Variants in WDR12 observed in about 807,000 individuals in gnomAD.
The protein encoded by WDR12 is ribosome biogenesis protein WDR12.
In WDR12, 42 loss-of-function variants were observed where a neutral mutation model predicts 64.3. The ratio of observed to expected loss-of-function variants is 0.65; its 90% CI spans 0.51 to 0.84. The LOEUF (loss-of-function observed/expected upper bound fraction) is 0.84. WDR12 is among the 40% of genes least tolerant of loss of function. The pLI is 0.00. For missense variants in WDR12, 469 were observed against 494.6 expected, an observed-to-expected ratio of 0.95 and a Z score of 0.49; for synonymous variants, 158 against 173.3, an observed-to-expected ratio of 0.91 and a Z score of 0.70.
intron 2 of WDR12, among the ~76,000 whole-genome samples, chr2:202,902,140 G>A (rs549183502): frequency 1.3e-5 from 2 of 152,214 alleles, no homozygotes; most frequent in South Asian, 4.1e-4. Flanking sequence ...CGGTCTATAT[G>A]TTTAGAAAAA....
intron 3 of WDR12, 24 bp from the exon 4 acceptor site, chr2:202,899,661 C>T: frequency 6.3e-7 from 1 of 1,599,146 alleles, no homozygotes; most frequent in Non-Finnish European, 8.6e-7. Context: ...AAACCAGCAA[C>T]AAGTCAGGTG....
chr2:202,894,878 A>T lies in WDR12; in HGVS notation c.610-252T>A, dbSNP rs573111927. On this transcript the variant is annotated intron_variant, in intron 6 of 12. Coordinates refer to ENST00000261015, the MANE Select transcript of WDR12 (RefSeq NM_018256.4). ...GAGAATAAAGTCAACTTGAGGGACAAGACAGCGAGAGGGTGTGCGGACCAC... is the reference window on the plus strand; with the variant it reads ...GAGAATAAAGTCAACTTGAGGGACATGACAGCGAGAGGGTGTGCGGACCAC... The T allele has an allele frequency of 8.7e-6, 3 of 343,110 alleles. No individual in the cohort carries two copies. The East Asian group carries it at 1.6e-4, about 18-fold the overall frequency. 21.3% of individuals were successfully genotyped at this position (343,110 alleles called of 1,614,324 possible).
intron 8 of WDR12, among the ~76,000 whole-genome samples, chr2:202,887,864 C>T (rs1243597686): frequency 2.8e-5 from 4 of 142,946 alleles, no homozygotes; most frequent in East Asian, 2.0e-4. Context: ...GTCCGCAGTC[C>T]GACCTGGGCG....
Position 202,903,480 on chromosome 2 carries a change from GAA to G in WDR12, c.137-2363_137-2362del, listed in dbSNP as rs1688390071. 9.4e-5 allele frequency among the ~76,000 whole-genome samples: 9 copies of G among 95,254 alleles called. No homozygotes were observed. In the Admixed American group the frequency reaches 1.1e-3, roughly 12 times the overall value. The allele number at this position is 95,254 out of a possible 152,430, so 62.5% of individuals were successfully genotyped here. On this transcript the variant is annotated intron_variant, in intron 2 of 12. Coordinates refer to ENST00000261015, the MANE Select transcript of WDR12 (RefSeq NM_018256.4). ...GGAAGGAAGGAAGGAAGGAAGGAAG[GAA>G]GGAAGGAAGGAAGGAAGGAAGTGAG...
intron 5 of WDR12, among the ~76,000 whole-genome samples, chr2:202,897,023 CAAAA>C (rs928810069): frequency 1.6e-4 from 25 of 151,780 alleles, no homozygotes; most frequent in African/African-American, 6.0e-4. Flanking sequence ...AACAAACAAA[CAAAA>C]ACAGAAGAAA....
chr2:202,885,777 G>C (rs1035153018), intron 8 of WDR12, among the ~76,000 whole-genome samples: 2 of 152,170 alleles, frequency 1.3e-5, no homozygotes, highest in African/African-American at 4.8e-5. Context: ...AGAGTGGGAA[G>C]AGCCAGGCAC....
chr2:202,910,409 G>A (rs1056092310), intron 1 of WDR12, among the ~76,000 whole-genome samples: 8 of 151,994 alleles, frequency 5.3e-5, no homozygotes, highest in South Asian at 4.2e-4. Flanking sequence ...TGTAATTCCA[G>A]CTACTCTGGA....
intron 8 of WDR12, 143 bp from the exon 9 acceptor site, chr2:202,884,678 T>G (rs1688017348): frequency 1.1e-6 from 1 of 891,058 alleles, no homozygotes; most frequent in Non-Finnish European, 1.6e-6. Context: ...TCCTTTACAA[T>G]GGAATGGATA....
At chr2:202,887,064 G>A (rs937364212) in intron 8 of WDR12, among the ~76,000 whole-genome samples, 1 of 152,146 alleles carries the variant, frequency 6.6e-6, no homozygotes, top group Non-Finnish European at 1.5e-5. Context: ...TTCACTCATC[G>A]CCCAGGCTAG....
chr2:202,908,059 G>C, intron 1 of WDR12, 100 bp from the exon 2 acceptor site: 1 of 1,047,960 alleles, frequency 9.5e-7, no homozygotes, highest in Non-Finnish European at 1.4e-6. Context: ...ATAAATGCCA[G>C]ACATCCAGAC....
intron 4 of WDR12, among the ~76,000 whole-genome samples, chr2:202,897,888 C>CAAAAAAAAAA (rs10637220): frequency 1.2e-4 from 9 of 74,190 alleles, no homozygotes; most frequent in Non-Finnish European, 2.0e-4. Context: ...GACTCCGTTT[C>CAAAAAAAAAA]AAAAAAAAAA....
At position 202,875,497 on chromosome 2, in the gene WDR12, T is replaced by C. The variant is rs1348819752; in HGVS notation, c.*5363A>G. ...TCCACCTCCTGGGTTCAAGCAATTC[T>C]TCTGCCTCAGCCTTCCAAGTAGCTG... On this transcript the variant is annotated 3_prime_UTR_variant, in exon 13 of 13. Transcript: ENST00000261015. 3 of 152,002 alleles carry C rather than the reference T, an allele frequency of 2.0e-5. No homozygotes were observed. Among genetic ancestry groups the C allele is most frequent in the Admixed American group, 1.3e-4 (2 of 15,244 alleles). The allele number at this position is 152,002 out of a possible 1,614,324, so 9.4% of individuals were successfully genotyped here.
At position 202,882,614 on chromosome 2, in the gene WDR12, C is replaced by T. The variant is rs1367511345; in HGVS notation, c.1194+97G>A. ...AAGTGCTGCGATTACAGGCGTGAGCCACTGCACCCGGCCCGAAACTAATAC... is the reference window on the plus strand; with the variant it reads ...AAGTGCTGCGATTACAGGCGTGAGCTACTGCACCCGGCCCGAAACTAATAC... On this transcript the variant is annotated intron_variant, in intron 12 of 12. Transcript: ENST00000261015. 8 of 1,267,288 alleles carry T rather than the reference C, an allele frequency of 6.3e-6. No homozygotes were observed. The East Asian group carries it at 1.9e-4, about 31-fold the overall frequency. 78.5% of individuals were successfully genotyped at this position (1,267,288 alleles called of 1,614,324 possible).
intron 3 of WDR12, 92 bp downstream of exon 3, chr2:202,900,933 A>C (rs2105910332): frequency 1.0e-6 from 1 of 990,920 alleles, no homozygotes; most frequent in East Asian, 2.5e-5. Flanking sequence ...CTTTGCTACT[A>C]AAGATAGATT....
chr2:202,889,769 G>T (rs1233313512), intron 8 of WDR12, among the ~76,000 whole-genome samples: 1 of 151,316 alleles, frequency 6.6e-6, no homozygotes, highest in African/African-American at 2.4e-5. Flanking sequence ...AAAAAAATTA[G>T]CCAGGGCATG....
At chr2:202,892,481 T>C (rs2105906544) in intron 8 of WDR12, 136 bp downstream of exon 8, 2 of 509,376 alleles carry the variant, frequency 3.9e-6, no homozygotes, top group Middle Eastern at 3.2e-4. Flanking sequence ...ACAAGTCTAC[T>C]GAAAAAAAGG....
chr2:202,876,305 T>A lies in WDR12; in HGVS notation c.*4555A>T, dbSNP rs991254700. 2.0e-5 allele frequency: 3 copies of A among 152,172 alleles called. No individual in the cohort carries two copies. The highest frequency in any genetic ancestry group is 7.2e-5 in the African/African-American group (3 of 41,418). 9.4% of individuals were successfully genotyped at this position (152,172 alleles called of 1,614,324 possible). The stretch of plus-strand genomic sequence containing the variant: ...TACTCAGGAAGCTGGGGCAGGAGGA[T>A]CCCTTGAACCCAGGAGTTGAGCCTG... On this transcript the variant is annotated 3_prime_UTR_variant, in exon 13 of 13. Transcript: ENST00000261015.
At position 202,903,999 on chromosome 2, in the gene WDR12, G is replaced by A. The variant is rs1688404534; in HGVS notation, c.137-2880C>T. Among the ~76,000 whole-genome samples, 3 of 151,666 alleles carry A rather than the reference G, an allele frequency of 2.0e-5. No individual in the cohort carries two copies. The South Asian group carries it at 6.3e-4, about 32-fold the overall frequency. On this transcript the variant is annotated intron_variant, in intron 2 of 12. Transcript: ENST00000261015. ...CTAAAAATACAAAAATTAGCTGGGC[G>A]TGGTGGCAGGCACCTGTAATCCCAG...
intron 2 of WDR12, among the ~76,000 whole-genome samples, chr2:202,902,995 C>T (rs1688376724): frequency 6.6e-6 from 1 of 152,134 alleles, no homozygotes; most frequent in Admixed American, 6.5e-5. Context: ...AGGAGAATTG[C>T]TTGAACCCGG....
Sources: allele counts gnomAD v4.1 joint callset (sites outside exome capture counted in the v4.1 genomes callset), GRCh38; gene constraint gnomAD v4.1.1; transcripts MANE v1.5; gene names NCBI Gene and HGNC (gene_info 2026-07-23, HGNC 2026-07-21).